The following JARID2 variants were observed in gnomAD, a reference collection of about 807,000 sequenced individuals.
JARID2 encodes the protein jumonji and AT-rich interaction domain containing 2, also known as protein Jumonji.
In JARID2, 21 loss-of-function variants were observed where a neutral mutation model predicts 125.6. The observed-to-expected ratio is 0.17, with a 90% CI of 0.12 to 0.24. The LOEUF (loss-of-function observed/expected upper bound fraction) is 0.24. Among genes scored for constraint, JARID2 ranks in the 10% least tolerant of loss-of-function variants. The pLI is 1.00. For synonymous variants in JARID2, 736 were observed against 661.6 expected (o/e 1.11, Z -1.73); for missense variants, 1,303 against 1,639.6 (o/e 0.79, Z 3.55).
chr6:15,280,423 G>A (rs62397315), intron 1 of JARID2, among the ~76,000 whole-genome samples: 41,637 of 151,760 alleles, frequency 0.27, 6,564 homozygotes, highest in Admixed American at 0.35. Flanking sequence ...TCCTCCTCCT[G>A]CATTAAAAAA....
chr6:15,256,805 A>G (rs1344044353), intron 1 of JARID2, among the ~76,000 whole-genome samples: 1 of 152,186 alleles, frequency 6.6e-6, no homozygotes, highest in African/African-American at 2.4e-5. Context: ...CTCTCACCCT[A>G]TTAACCCCAC....
chr6:15,428,919 A>C (rs11967624), intron 3 of JARID2, among the ~76,000 whole-genome samples: 13,576 of 141,926 alleles, frequency 0.096, 725 homozygotes, highest in African/African-American at 0.13. Context: ...AAAACAACAA[A>C]AAAAAAACAA....
Position 15,359,515 on chromosome 6 carries a change from C to T in JARID2, c.46-14602C>T, listed in dbSNP as rs113117007. Among the ~76,000 whole-genome samples the T allele has an allele frequency of 4.8e-3, 727 of 152,186 alleles. 7 individuals carry two copies. The highest frequency in any genetic ancestry group is 0.016 in the African/African-American group (670 of 41,524). ...TCATGACTATATTTTTAGCTACCCG[C>T]GTGGGCAGGCCCTAGGCAGTGTCAC... On this transcript the variant is annotated intron_variant, in intron 1 of 17. Coordinates refer to ENST00000341776, the MANE Select transcript of JARID2 (RefSeq NM_004973.4).
chr6:15,472,603 C>G (rs772097079), intron 5 of JARID2, among the ~76,000 whole-genome samples: 1 of 152,212 alleles, frequency 6.6e-6, no homozygotes, highest in Non-Finnish European at 1.5e-5. Context: ...GAACTACCAT[C>G]TTGGGAGAAG....
At chr6:15,485,581 GATTA>G (rs1184028912) in intron 5 of JARID2, among the ~76,000 whole-genome samples, 3 of 152,156 alleles carry the variant, frequency 2.0e-5, no homozygotes, top group Non-Finnish European at 4.4e-5. Flanking sequence ...TAATTAGCTT[GATTA>G]ATCACTTTAT....
At chr6:15,482,855 C>A (rs964783407) in intron 5 of JARID2, among the ~76,000 whole-genome samples, 1 of 152,072 alleles carries the variant, frequency 6.6e-6, no homozygotes. Context: ...GACCTTTAAC[C>A]CATGCACTGT....
intron 3 of JARID2, among the ~76,000 whole-genome samples, chr6:15,410,896 C>T (rs1765848308): frequency 6.6e-6 from 1 of 152,124 alleles, no homozygotes; most frequent in Non-Finnish European, 1.5e-5. Context: ...TTTTATGTGG[C>T]TTTCCTAAAT....
intron 2 of JARID2, among the ~76,000 whole-genome samples, chr6:15,376,339 C>G (rs763248697): frequency 1.4e-4 from 21 of 152,082 alleles, no homozygotes; most frequent in Non-Finnish European, 2.5e-4. Context: ...CCAAGGTTAC[C>G]TTTTTGTTAT....
intron 1 of JARID2, among the ~76,000 whole-genome samples, chr6:15,315,966 C>G (rs199798432): frequency 6.6e-6 from 1 of 151,894 alleles, no homozygotes; most frequent in East Asian, 1.9e-4. Flanking sequence ...AGGGCATAAG[C>G]TGGAACCAAG....
At position 15,496,841 on chromosome 6, in the gene JARID2, C is replaced by A; in HGVS notation, c.1616C>A (p.Ser539Ter). Residue 539 changes from serine to a stop codon, truncating the protein, a stop_gained, in exon 7 of 18, where the codon TCG (serine) becomes TAG (stop). Transcript: ENST00000341776. LOFTEE classifies it high-confidence loss of function. ...QPESVHKPQDSGKAEKGGGKA... is the reference protein window; with the variant it reads ...QPESVHKPQD The stretch of plus-strand genomic sequence containing the variant: ...GAGTCCGTGCACAAGCCGCAGGACT[C>A]GGGCAAGGCCGAGAAGGGCGGCGGC... 6.2e-7 allele frequency: 1 copy of A among 1,601,406 alleles called. No homozygotes were observed. The highest frequency in any genetic ancestry group is 8.5e-7 in the Non-Finnish European group (1 of 1,171,784).
At chr6:15,451,869 A>C in intron 3 of JARID2, 137 bp from the exon 4 acceptor site, 1 of 842,736 alleles carries the variant, frequency 1.2e-6, no homozygotes, top group Non-Finnish European at 1.8e-6. Flanking sequence ...TGTGAGAGAT[A>C]TAGAACCTTA....
At chr6:15,519,841 G>C (rs977650808) in intron 17 of JARID2, among the ~76,000 whole-genome samples, 4 of 152,106 alleles carry the variant, frequency 2.6e-5, no homozygotes, top group African/African-American at 7.2e-5. Context: ...TGGTGGACCA[G>C]GGTGTTGATG....
chr6:15,250,614 G>GTA (rs1391097398), intron 1 of JARID2, among the ~76,000 whole-genome samples: 1 of 152,178 alleles, frequency 6.6e-6, no homozygotes, highest in Non-Finnish European at 1.5e-5. Context: ...ATGTCGACAA[G>GTA]TAATCCAACT....
At chr6:15,293,950 CTCTA>C (rs1437262432) in intron 1 of JARID2, among the ~76,000 whole-genome samples, 2 of 152,226 alleles carry the variant, frequency 1.3e-5, no homozygotes, top group African/African-American at 2.4e-5. Flanking sequence ...GTTGATCTTT[CTCTA>C]TCTCTTTTCT....
intron 1 of JARID2, among the ~76,000 whole-genome samples, chr6:15,334,534 A>G (rs1762816636): frequency 6.6e-6 from 1 of 152,180 alleles, no homozygotes; most frequent in Non-Finnish European, 1.5e-5. Context: ...TGGATTTGAC[A>G]TAATTTTTAC....
intron 2 of JARID2, among the ~76,000 whole-genome samples, chr6:15,406,994 C>T (rs2237151): frequency 0.024 from 3,640 of 152,060 alleles, 159 homozygotes; most frequent in East Asian, 0.16. Flanking sequence ...GTGCGGTTTT[C>T]ACGCCTGTAA....
chr6:15,269,375 T>A (rs1039823571), intron 1 of JARID2, among the ~76,000 whole-genome samples: 2 of 152,126 alleles, frequency 1.3e-5, no homozygotes, highest in Non-Finnish European at 2.9e-5. Flanking sequence ...TTTTACATTT[T>A]ATTTTAAGAG....
intron 3 of JARID2, among the ~76,000 whole-genome samples, chr6:15,429,948 T>A (rs1414358657): frequency 6.6e-6 from 1 of 152,132 alleles, no homozygotes; most frequent in Non-Finnish European, 1.5e-5. Flanking sequence ...ACAGCAGGCT[T>A]GTGAGTCCTC....
At chr6:15,476,398 G>A (rs1769343372) in intron 5 of JARID2, among the ~76,000 whole-genome samples, 1 of 152,174 alleles carries the variant, frequency 6.6e-6, no homozygotes, top group African/African-American at 2.4e-5. Flanking sequence ...ACCATCCACA[G>A]TGTCCTGCCA....
Sources: allele counts gnomAD v4.1 joint callset (sites outside exome capture counted in the v4.1 genomes callset), GRCh38; gene constraint gnomAD v4.1.1; transcripts MANE v1.5; gene names NCBI Gene and HGNC (gene_info 2026-07-23, HGNC 2026-07-21).